Variants in ANO10 observed in about 807,000 individuals in gnomAD.
ANO10 encodes anoctamin 10, also known as anoctamin-10.
A neutral mutation model predicts 74.7 loss-of-function variants in ANO10; 77 were observed. The observed-to-expected ratio is 1.03, with a 90% confidence interval of 0.86 to 1.25. The LOEUF (loss-of-function observed/expected upper bound fraction) is 1.25, where lower values mean the gene tolerates loss of function less well. ANO10 is among the 50% of genes most tolerant of loss of function. The pLI is 0.00. For missense variants in ANO10, 721 were observed against 778.1 expected, an observed-to-expected ratio of 0.93 and a Z score of 0.87; for synonymous variants, 279 against 284.9, an observed-to-expected ratio of 0.98 and a Z score of 0.21.
chr3:43,367,105 T>C (rs1413233313), intron 12 of ANO10, 131 bp from the exon 13 acceptor site: 4 of 816,986 alleles, frequency 4.9e-6, no homozygotes, highest in South Asian at 1.5e-5. Flanking sequence ...TGCCTGCAGC[T>C]TCCTGCAAGT....
At chr3:43,481,239 A>G (rs2076258276) in intron 11 of ANO10, among the ~76,000 whole-genome samples, 3 of 152,184 alleles carry the variant, frequency 2.0e-5, no homozygotes, top group Admixed American at 2.0e-4. Context: ...TCTTAAAGGA[A>G]TATTTGACCT....
intron 11 of ANO10, among the ~76,000 whole-genome samples, chr3:43,476,290 A>G (rs2076062977): frequency 1.3e-5 from 2 of 152,306 alleles, no homozygotes; most frequent in South Asian, 2.1e-4. Flanking sequence ...GTTGCCCCCA[A>G]GTTTTCAGTT....
intron 4 of ANO10, among the ~76,000 whole-genome samples, chr3:43,596,294 C>T (rs543328283): frequency 3.9e-5 from 6 of 152,216 alleles, no homozygotes; most frequent in South Asian, 2.1e-4. Context: ...AAAAAGAACC[C>T]GCATTGCCAA....
chr3:43,439,700 T>A (rs549254828), intron 11 of ANO10, among the ~76,000 whole-genome samples: 180 of 151,976 alleles, frequency 1.2e-3, no homozygotes, highest in African/African-American at 4.2e-3. Context: ...GGCAACATGG[T>A]AAAACCCTGT....
chr3:43,444,742 T>C (rs540930056), intron 11 of ANO10, among the ~76,000 whole-genome samples: 2 of 152,108 alleles, frequency 1.3e-5, no homozygotes, highest in African/African-American at 4.8e-5. Context: ...GACACAGTCA[T>C]GGCGAGGACG....
intron 11 of ANO10, among the ~76,000 whole-genome samples, chr3:43,461,934 G>T (rs1295653466): frequency 6.6e-6 from 1 of 152,208 alleles, no homozygotes; most frequent in Non-Finnish European, 1.5e-5. Context: ...ATGTGGGAAA[G>T]TTTGGAACTT....
chr3:43,533,031 T>G (rs2078543388), intron 11 of ANO10, among the ~76,000 whole-genome samples: 2 of 152,142 alleles, frequency 1.3e-5, no homozygotes, highest in Non-Finnish European at 2.9e-5. Context: ...ATACCTCCCC[T>G]TGCTTCCAGG....
chr3:43,455,328 T>C (rs2075077213), intron 11 of ANO10, among the ~76,000 whole-genome samples: 1 of 151,942 alleles, frequency 6.6e-6, no homozygotes, highest in Admixed American at 6.6e-5. Flanking sequence ...ATTAGGAATC[T>C]AAAGTGAGGC....
At chr3:43,625,146 G>A (rs1052920788), upstream of ANO10, among the ~76,000 whole-genome samples, 4 of 152,182 alleles carry the variant, frequency 2.6e-5, no homozygotes, top group African/African-American at 9.7e-5. Context: ...GCAGCTCCCA[G>A]ACAGGGAATG....
At chr3:43,453,186 T>C (rs1192676780) in intron 11 of ANO10, among the ~76,000 whole-genome samples, 2 of 151,226 alleles carry the variant, frequency 1.3e-5, no homozygotes, top group African/African-American at 2.4e-5. Flanking sequence ...CCCCTTTTTT[T>C]TTTTTTTTTT....
At chr3:43,472,478 G>C (rs1205072804) in intron 11 of ANO10, 1 of 152,104 alleles carries the variant, frequency 6.6e-6, no homozygotes, top group Non-Finnish European at 1.5e-5. Context: ...CACCAAAAAA[G>C]AGGGTCTGAA....
At chr3:43,562,179 A>G (rs755621520) in intron 8 of ANO10, among the ~76,000 whole-genome samples, 4 of 151,946 alleles carry the variant, frequency 2.6e-5, no homozygotes, top group Admixed American at 6.6e-5. Context: ...GAGGCCGGGC[A>G]CAGTGGCTCA....
At chr3:43,491,063 C>T (rs533324937) in intron 11 of ANO10, among the ~76,000 whole-genome samples, 21 of 152,250 alleles carry the variant, frequency 1.4e-4, no homozygotes, top group African/African-American at 4.3e-4. Context: ...GGACATTTGA[C>T]TGGTAAGGAC....
Position 43,598,584 on chromosome 3 carries a change from T to C in ANO10, c.420A>G (p.Glu140=). ...CCTGAGGGTAACCAGGGATCATTTT[T>C]TCATCTTTAGCTCTAAGATTTTCAA... The part of the protein sequence containing the change: ...HELENLRAKD[E]KMIPGYPQAK... Residue 140 remains glutamate (E), a synonymous_variant, in exon 4 of 13, where the codon GAA becomes GAG. Coordinates refer to ENST00000292246, the MANE Select transcript of ANO10 (RefSeq NM_018075.5). 1 of 1,613,112 alleles carries C rather than the reference T, an allele frequency of 6.2e-7. No individual in the cohort carries two copies. Among genetic ancestry groups the C allele is most frequent in the East Asian group, 2.2e-5 (1 of 44,712 alleles).
intron 11 of ANO10, among the ~76,000 whole-genome samples, chr3:43,505,022 G>T (rs919530202): frequency 6.6e-6 from 1 of 152,166 alleles, no homozygotes; most frequent in South Asian, 2.1e-4. Context: ...GTAAAAATCT[G>T]AACAAAGTTC....
chr3:43,446,543 T>C (rs1216964261), intron 11 of ANO10, among the ~76,000 whole-genome samples: 4 of 152,184 alleles, frequency 2.6e-5, no homozygotes, highest in African/African-American at 9.7e-5. Flanking sequence ...AAATACTGGT[T>C]TATGGTTTAT....
chr3:43,592,811 TA>T (rs1182506333), intron 4 of ANO10, among the ~76,000 whole-genome samples: 1 of 152,148 alleles, frequency 6.6e-6, no homozygotes, highest in African/African-American at 2.4e-5. Flanking sequence ...TTCTCCGAGC[TA>T]AAGGAGGATG....
At chr3:43,429,171 C>A (rs2092944792) in intron 12 of ANO10, among the ~76,000 whole-genome samples, 1 of 152,058 alleles carries the variant, frequency 6.6e-6, no homozygotes, top group Non-Finnish European at 1.5e-5. Flanking sequence ...AACACTCCTG[C>A]ATTTGGAGTT....
At chr3:43,417,703 T>C (rs2092762540) in intron 12 of ANO10, among the ~76,000 whole-genome samples, 1 of 152,202 alleles carries the variant, frequency 6.6e-6, no homozygotes. Flanking sequence ...TAAACTGCTA[T>C]ATTGCGACCT....
Sources: gnomAD v4.1 joint callset for allele counts (sites outside exome capture counted in the v4.1 genomes callset) on GRCh38, gnomAD v4.1.1 for gene constraint, MANE v1.5 for transcripts, NCBI Gene and HGNC (gene_info 2026-07-23, HGNC 2026-07-21) for gene names.